Variants in KALRN observed in about 807,000 individuals in gnomAD.
KALRN encodes kalirin RhoGEF kinase.
KALRN carries 70 observed loss-of-function variants against 353.7 expected under a neutral mutation model. That is an observed-to-expected ratio of 0.20 (90% CI 0.16 to 0.24). KALRN has a LOEUF of 0.24. KALRN is among the 10% of genes least tolerant of loss of function. The pLI, the probability that KALRN is intolerant of heterozygous loss-of-function variation, is 1.00. For missense variants in KALRN, 2,791 were observed against 3,756.7 expected, an observed-to-expected ratio of 0.74 and a Z score of 6.72; for synonymous variants, 1,391 against 1,434.8, an observed-to-expected ratio of 0.97 and a Z score of 0.69.
intron 34 of KALRN, among the ~76,000 whole-genome samples, chr3:124,596,338 T>G (rs333252): frequency 0.65 from 98,070 of 151,828 alleles, 32,456 homozygotes; most frequent in East Asian, 0.83. Flanking sequence ...ATGGTGGTGG[T>G]CGCCTGTAAT....
intron 1 of KALRN, among the ~76,000 whole-genome samples, chr3:124,161,303 A>G (rs1259827179): frequency 6.6e-6 from 1 of 152,212 alleles, no homozygotes; most frequent in Non-Finnish European, 1.5e-5. Context: ...ATTGCGAGGA[A>G]TTAGGACTGG....
chr3:124,476,462 G>T (rs188150002), intron 26 of KALRN, among the ~76,000 whole-genome samples: 11 of 152,120 alleles, frequency 7.2e-5, no homozygotes, highest in Non-Finnish European at 7.4e-5. Flanking sequence ...AATGAAACCT[G>T]CTGTAATAAA....
chr3:124,279,147 G>C (rs539940411), intron 5 of KALRN, among the ~76,000 whole-genome samples: 3 of 152,266 alleles, frequency 2.0e-5, no homozygotes, highest in East Asian at 3.9e-4. Context: ...GGCCTCCTGT[G>C]GGGGACAGAG....
chr3:124,637,613 A>G (rs3755680), intron 37 of KALRN, among the ~76,000 whole-genome samples: 24,496 of 152,162 alleles, frequency 0.16, 2,478 homozygotes, highest in Middle Eastern at 0.28. Context: ...AGTGATTGAT[A>G]TGTATTTGGT....
At chr3:124,073,641 CTTA>C (rs1015402871) in intron 1 of KALRN, among the ~76,000 whole-genome samples, 28 of 152,274 alleles carry the variant, frequency 1.8e-4, no homozygotes, top group African/African-American at 5.3e-4. Context: ...CAATGGATTT[CTTA>C]TTATGCACTA....
chr3:124,238,289 A>G (rs1285836101), intron 3 of KALRN, among the ~76,000 whole-genome samples: 1 of 152,166 alleles, frequency 6.6e-6, no homozygotes, highest in Non-Finnish European at 1.5e-5. Flanking sequence ...TGCCCCAGAA[A>G]TGAGGGAACA....
intron 5 of KALRN, among the ~76,000 whole-genome samples, chr3:124,286,113 T>TTCTTTCTTTCTTTCTTTC (rs951315272): frequency 6.7e-6 from 1 of 148,612 alleles, no homozygotes; most frequent in African/African-American, 2.5e-5. Flanking sequence ...CTTTCTTTCT[T>TTCTTTCTTTCTTTCTTTC]TCTTTCTTTC....
intron 34 of KALRN, among the ~76,000 whole-genome samples, chr3:124,623,153 T>G (rs2079481099): frequency 6.6e-6 from 1 of 151,804 alleles, no homozygotes; most frequent in Admixed American, 6.6e-5. Flanking sequence ...TCCTTTTCTT[T>G]TCTTTGCTTT....
At chr3:124,446,359 C>A in intron 20 of KALRN, 83 bp downstream of exon 20, 1 of 972,344 alleles carries the variant, frequency 1.0e-6, no homozygotes, top group Non-Finnish European at 1.6e-6. Context: ...CAGAAGAGGG[C>A]CACAGCAGCA....
intron 52 of KALRN, 21 bp downstream of exon 52, chr3:124,693,852 A>G: frequency 6.5e-7 from 1 of 1,535,428 alleles, no homozygotes; most frequent in South Asian, 1.2e-5. Context: ...AAGCATTAGA[A>G]TTGGAAACAT....
At chr3:124,501,913 A>T (rs2064620899) in intron 33 of KALRN, among the ~76,000 whole-genome samples, 1 of 152,222 alleles carries the variant, frequency 6.6e-6, no homozygotes, top group Non-Finnish European at 1.5e-5. Context: ...AGGAGAAAGG[A>T]TGGCCATTTC....
intron 1 of KALRN, among the ~76,000 whole-genome samples, chr3:124,195,647 A>T (rs1378969172): frequency 2.6e-5 from 4 of 152,186 alleles, no homozygotes; most frequent in Non-Finnish European, 5.9e-5. Flanking sequence ...CTATGGGCAT[A>T]GAATTGGCTC....
intron 1 of KALRN, among the ~76,000 whole-genome samples, chr3:124,119,351 A>T (rs1200352334): frequency 1.3e-5 from 2 of 152,246 alleles, no homozygotes; most frequent in Non-Finnish European, 1.5e-5. Context: ...ACTCACTGAT[A>T]AATGGACAGA....
chr3:124,662,505 T>A (rs535650434), intron 45 of KALRN, among the ~76,000 whole-genome samples: 2 of 152,288 alleles, frequency 1.3e-5, no homozygotes, highest in South Asian at 4.1e-4. Flanking sequence ...AAGCAGGGAC[T>A]GTGAGTGACA....
At chr3:124,615,136 C>G (rs545489262) in intron 34 of KALRN, among the ~76,000 whole-genome samples, 4 of 152,154 alleles carry the variant, frequency 2.6e-5, no homozygotes, top group Non-Finnish European at 5.9e-5. Context: ...GTGACAGACA[C>G]TAGGGGATCA....
At chr3:124,231,754 C>G (rs1351077411) in intron 2 of KALRN, among the ~76,000 whole-genome samples, 1 of 151,942 alleles carries the variant, frequency 6.6e-6, no homozygotes, top group Non-Finnish European at 1.5e-5. Context: ...AAAGAATAAC[C>G]TCATTCCCTA....
intron 3 of KALRN, among the ~76,000 whole-genome samples, chr3:124,246,255 T>C (rs1453387364): frequency 6.6e-6 from 1 of 152,384 alleles, no homozygotes; most frequent in East Asian, 1.9e-4. Flanking sequence ...CTTATCACCA[T>C]CATCAATGAC....
At chr3:124,277,994 C>CTGTG (rs1437193234) in intron 5 of KALRN, among the ~76,000 whole-genome samples, 20 of 75,578 alleles carry the variant, frequency 2.6e-4, no homozygotes, top group African/African-American at 8.3e-4. Flanking sequence ...CAGAGATGAA[C>CTGTG]TATGTGTGTG....
chr3:124,286,253 C>T (rs1003598644), intron 5 of KALRN, among the ~76,000 whole-genome samples: 1 of 149,006 alleles, frequency 6.7e-6, no homozygotes, highest in Non-Finnish European at 1.5e-5. Context: ...CTCTTTCTCT[C>T]TTGCTCTCTC....
Sources: allele counts gnomAD v4.1 joint callset (sites outside exome capture counted in the v4.1 genomes callset), GRCh38; gene constraint gnomAD v4.1.1; transcripts MANE v1.5; gene names NCBI Gene and HGNC (gene_info 2026-07-23, HGNC 2026-07-21).